CYFIP1: variants seen among roughly 807,000 people sequenced by gnomAD.
CYFIP1 encodes the protein cytoplasmic FMR1 interacting protein 1.
A neutral mutation model predicts 163.5 loss-of-function variants in CYFIP1; 58 were observed. That is an observed-to-expected ratio of 0.35 (90% CI 0.29 to 0.44). The LOEUF is 0.44. Among genes scored for constraint, CYFIP1 ranks in the 20% least tolerant of loss-of-function variants. The pLI is 1.00. For synonymous variants in CYFIP1, 663 were observed against 660.7 expected (o/e 1.00, Z -0.05); for missense variants, 1,338 against 1,653.8 (o/e 0.81, Z 3.31).
intron 1 of CYFIP1, among the ~76,000 whole-genome samples, chr15:22,966,339 C>T (rs1018109147): frequency 1.3e-5 from 2 of 149,934 alleles, no homozygotes; most frequent in Non-Finnish European, 3.0e-5. Flanking sequence ...CGCCACTGCA[C>T]TCCAGCCTGG....
Position 22,894,877 on chromosome 15 carries a change from A to ATT in CYFIP1, c.2589-1902_2589-1901dup, listed in dbSNP as rs1183343566. Among the ~76,000 whole-genome samples the ATT allele has an allele frequency of 6.5e-3, 905 of 138,294 alleles. 5 individuals carry two copies. Among genetic ancestry groups the ATT allele is most frequent in the Non-Finnish European group, 9.1e-3 (592 of 64,918 alleles). The allele number at this position is 138,294 out of a possible 152,430, so 90.7% of individuals were successfully genotyped here. On this transcript the variant is annotated intron_variant, in intron 22 of 30. Transcript: ENST00000617928. ...TATTATATATTTTATATATATATAT[A>ATT]TTTTTTTTTTTTTTGTCACCCACAC...
chr15:22,964,863 A>G lies in CYFIP1; in HGVS notation c.-7+15424T>C, dbSNP rs530710915. On this transcript the variant is annotated intron_variant, in intron 1 of 30. Transcript: ENST00000617928. ...AGATGGGTTATTTGCAGCGACCCTC[A>G]TTCTACTCTCTGCTTCTATGAGCTC... is the stretch of plus-strand genomic sequence containing the variant. 5.3e-5 allele frequency among the ~76,000 whole-genome samples: 8 copies of G among 152,264 alleles called. No individual in the cohort carries two copies. The South Asian group carries it at 1.2e-3, about 24-fold the overall frequency.
intron 1 of CYFIP1, among the ~76,000 whole-genome samples, chr15:22,956,717 C>G (rs1027637779): frequency 6.6e-6 from 1 of 152,162 alleles, no homozygotes; most frequent in Non-Finnish European, 1.5e-5. Flanking sequence ...GCCCCACGGC[C>G]CCACTGCCGC....
Position 22,870,044 on chromosome 15 carries a change from G to A in CYFIP1, c.3746C>T (p.Ser1249Phe). The change falls in exon 31 of 31, where the codon TCC (serine) becomes TTC (phenylalanine). Residue 1249 changes from serine to phenylalanine, a missense_variant. This residue lies in a region of CYFIP1 where 306 missense variants were observed against 322.1 expected (regional missense o/e 0.95). Coordinates refer to ENST00000617928, the MANE Select transcript of CYFIP1 (RefSeq NM_014608.6). ...CGCGTGCCCTCAGCTGCTGGCGAGG[G>A]ACTGGTGGATGGGCGGCTGGAAGCA... is the stretch of plus-strand genomic sequence containing the variant. ...VRCFQPPIHQ[S>F]LASS is the part of the protein sequence containing the mutation. 3.7e-6 allele frequency: 6 copies of A among 1,605,806 alleles called. No homozygotes were observed. The highest frequency in any genetic ancestry group is 5.1e-6 in the Non-Finnish European group (6 of 1,177,384).
At chr15:22,915,820 G>C (rs1224568436) in intron 16 of CYFIP1, among the ~76,000 whole-genome samples, 1 of 152,096 alleles carries the variant, frequency 6.6e-6, no homozygotes, top group Non-Finnish European at 1.5e-5. Flanking sequence ...CCAGGCTGCA[G>C]CATTAGAGGC....
intron 30 of CYFIP1, 103 bp from the exon 31 acceptor site, chr15:22,870,295 C>T (rs747346963): frequency 8.9e-5 from 122 of 1,378,320 alleles, no homozygotes; most frequent in Non-Finnish European, 1.2e-4. Context: ...AAAATAATAG[C>T]AAACGGAATT....
At chr15:22,882,845 A>C (rs1168225292) in intron 24 of CYFIP1, 23 bp downstream of exon 24, 1 of 1,601,482 alleles carries the variant, frequency 6.2e-7, no homozygotes, top group Non-Finnish European at 8.5e-7. Context: ...TGTGTGAAAG[A>C]AGCATGTCCA....
intron 1 of CYFIP1, among the ~76,000 whole-genome samples, chr15:22,956,566 G>A (rs1483796476): frequency 3.3e-5 from 5 of 152,138 alleles, no homozygotes; most frequent in Admixed American, 6.5e-5. Flanking sequence ...GTGGGAAACC[G>A]GCCTTGGACA....
At chr15:22,937,040 C>A in intron 9 of CYFIP1, 64 bp downstream of exon 9, 1 of 1,166,600 alleles carries the variant, frequency 8.6e-7, no homozygotes, top group South Asian at 1.3e-5. Flanking sequence ...CAGGGGCTCA[C>A]TTCCCCAAAA....
intron 23 of CYFIP1, 107 bp downstream of exon 23, chr15:22,892,783 C>T (rs1413061408): frequency 1.3e-6 from 1 of 765,638 alleles, no homozygotes; most frequent in Non-Finnish European, 2.2e-6. Flanking sequence ...ACATTTTATA[C>T]ACAGCGTGAT....
intron 1 of CYFIP1, among the ~76,000 whole-genome samples, chr15:22,967,752 CA>C (rs1266229137): frequency 1.1e-4 from 16 of 152,246 alleles, no homozygotes; most frequent in African/African-American, 3.9e-4. Context: ...GACTGAAATA[CA>C]AGAAGGCCGG....
At chr15:22,889,416 A>C (rs1181064560) in intron 23 of CYFIP1, among the ~76,000 whole-genome samples, 1 of 152,200 alleles carries the variant, frequency 6.6e-6, no homozygotes, top group African/African-American at 2.4e-5. Context: ...TGGAAGCAAC[A>C]GTGCCTCCCT....
intron 1 of CYFIP1, among the ~76,000 whole-genome samples, chr15:22,979,977 G>A (rs559807907): frequency 6.6e-6 from 1 of 152,166 alleles, no homozygotes; most frequent in Non-Finnish European, 1.5e-5. Flanking sequence ...GGGGCGCGAG[G>A]CGGTGAACGC....
chr15:22,892,459 C>A (rs372606863), intron 23 of CYFIP1, among the ~76,000 whole-genome samples: 172 of 152,280 alleles, frequency 1.1e-3, no homozygotes, highest in African/African-American at 4.0e-3. Context: ...CCTGGGCTCA[C>A]CTTTCCAGCT....
chr15:22,883,729 A>C (rs1412958027), intron 23 of CYFIP1, among the ~76,000 whole-genome samples: 2 of 149,300 alleles, frequency 1.3e-5, no homozygotes, highest in African/African-American at 2.5e-5. Context: ...AGGCAGGAGA[A>C]TGGCATGAAC....
intron 23 of CYFIP1, 128 bp downstream of exon 23, chr15:22,892,762 A>C: frequency 1.4e-6 from 1 of 703,452 alleles, no homozygotes; most frequent in East Asian, 2.7e-5. Flanking sequence ...ACAGAATGGA[A>C]AAAAAAAATA....
chr15:22,979,364 G>A (rs1402604362), intron 1 of CYFIP1, among the ~76,000 whole-genome samples: 1 of 152,162 alleles, frequency 6.6e-6, no homozygotes, highest in Non-Finnish European at 1.5e-5. Flanking sequence ...CATCACCGCG[G>A]CTCCGACCAC....
At chr15:22,880,774 C>T (rs922415420) in intron 25 of CYFIP1, among the ~76,000 whole-genome samples, 6 of 152,258 alleles carry the variant, frequency 3.9e-5, no homozygotes, top group Middle Eastern at 3.4e-3. Flanking sequence ...CAAGGACCAG[C>T]GGCCCGACAC....
At chr15:22,951,373 G>A in intron 1 of CYFIP1, 2 of 1,265,832 alleles carry the variant, frequency 1.6e-6, no homozygotes, top group Non-Finnish European at 2.1e-6. Context: ...GCAGTGCAGG[G>A]CAGCCCCGGC....
Sources: gnomAD v4.1 joint callset for allele counts (sites outside exome capture counted in the v4.1 genomes callset) on GRCh38, gnomAD v4.1.1 for gene constraint, gnomAD v4.1.1 regional missense constraint, MANE v1.5 for transcripts, NCBI Gene and HGNC (gene_info 2026-07-23, HGNC 2026-07-21) for gene names.